Variants in NRG3 observed in about 807,000 individuals in gnomAD.
The protein encoded by NRG3 is pro-neuregulin-3, membrane-bound isoform.
Under a neutral mutation model 66.9 loss-of-function variants are expected in NRG3, and 31 were observed. The observed-to-expected ratio is 0.46, with a 90% CI of 0.35 to 0.63. The LOEUF is 0.63. Among genes scored for constraint, NRG3 ranks in the 20% least tolerant of loss-of-function variants. The probability of loss-of-function intolerance (pLI) is 0.00; values close to 1 mark genes in which losing one functional copy is unlikely to be tolerated. For synonymous variants in NRG3, 393 were observed against 359.4 expected (o/e 1.09, Z -1.06); for missense variants, 910 against 878.9 (o/e 1.04, Z -0.45).
At chr10:82,136,517 C>T (rs1198803302) in intron 1 of NRG3, among the ~76,000 whole-genome samples, 1 of 152,192 alleles carries the variant, frequency 6.6e-6, no homozygotes, top group Non-Finnish European at 1.5e-5. Context: ...CTCCATTTTA[C>T]TGCAGTTGAG....
At chr10:82,346,816 T>G (rs1382443483) in intron 1 of NRG3, among the ~76,000 whole-genome samples, 1 of 152,122 alleles carries the variant, frequency 6.6e-6, no homozygotes, top group Admixed American at 6.5e-5. Flanking sequence ...GTCAAGGAAT[T>G]TATCCATTTC....
chr10:82,278,316 T>C (rs2078955268), intron 1 of NRG3, among the ~76,000 whole-genome samples: 1 of 151,892 alleles, frequency 6.6e-6, no homozygotes, highest in Non-Finnish European at 1.5e-5. Context: ...TTCTGACTTC[T>C]TGAAGACCTA....
intron 1 of NRG3, among the ~76,000 whole-genome samples, chr10:81,979,025 T>C (rs1324248880): frequency 1.3e-5 from 2 of 151,912 alleles, no homozygotes; most frequent in African/African-American, 2.4e-5. Context: ...CCCGTCTCTA[T>C]TAAAAGTACA....
At chr10:82,569,504 T>A (rs1403195495) in intron 2 of NRG3, among the ~76,000 whole-genome samples, 1 of 151,786 alleles carries the variant, frequency 6.6e-6, no homozygotes, top group Non-Finnish European at 1.5e-5. Flanking sequence ...TAAATTGTCC[T>A]CATTCTGATG....
chr10:82,330,032 T>C (rs2082065780), intron 1 of NRG3, among the ~76,000 whole-genome samples: 1 of 152,240 alleles, frequency 6.6e-6, no homozygotes, highest in East Asian at 1.9e-4. Flanking sequence ...TGACATTTCA[T>C]TACAGCAAAG....
intron 1 of NRG3, among the ~76,000 whole-genome samples, chr10:81,894,239 A>G (rs1843305923): frequency 6.6e-6 from 1 of 152,104 alleles, no homozygotes; most frequent in African/African-American, 2.4e-5. Context: ...TCCTCATGAG[A>G]CTGAGGCAGG....
chr10:82,085,128 C>T (rs528384407), intron 1 of NRG3, among the ~76,000 whole-genome samples: 29 of 152,244 alleles, frequency 1.9e-4, no homozygotes, highest in African/African-American at 4.6e-4. Context: ...CAGCTCTGAA[C>T]GTTGTTCCTT....
chr10:82,887,357 A>C (rs1468590949), intron 4 of NRG3, among the ~76,000 whole-genome samples: 1 of 152,206 alleles, frequency 6.6e-6, no homozygotes, highest in Non-Finnish European at 1.5e-5. Context: ...ATATTGAAAA[A>C]CAGAATTATC....
Position 82,526,858 on chromosome 10 carries a change from T to A in NRG3, c.953+167990T>A, listed in dbSNP as rs547413045. On this transcript the variant is annotated intron_variant, in intron 2 of 8. Coordinates refer to ENST00000372141, the MANE Select transcript of NRG3 (RefSeq NM_001010848.4). ...ATACCAAACAACTGAAAAACACAAA[T>A]TACTTTTAGGCATATTTGTATCCAT... Among the ~76,000 whole-genome samples, 13 of 152,138 alleles carry A rather than the reference T, an allele frequency of 8.5e-5. No individual in the cohort carries two copies. The East Asian group carries it at 2.5e-3, about 29-fold the overall frequency.
intron 2 of NRG3, among the ~76,000 whole-genome samples, chr10:82,652,467 T>C (rs1290404958): frequency 6.6e-6 from 1 of 152,118 alleles, no homozygotes; most frequent in Non-Finnish European, 1.5e-5. Flanking sequence ...AGACTGGCCA[T>C]CTCCAGATGG....
intron 1 of NRG3, among the ~76,000 whole-genome samples, chr10:81,952,230 T>G (rs1849432636): frequency 6.6e-6 from 1 of 152,144 alleles, no homozygotes; most frequent in African/African-American, 2.4e-5. Context: ...ACCCTAAAAC[T>G]TAAAGTATAA....
chr10:82,148,019 A>T (rs1205364403), intron 1 of NRG3, among the ~76,000 whole-genome samples: 27 of 152,190 alleles, frequency 1.8e-4, no homozygotes, highest in Admixed American at 1.8e-3. Context: ...GCACTGGCAG[A>T]TATTTTTCCA....
intron 6 of NRG3, among the ~76,000 whole-genome samples, chr10:82,962,108 T>C (rs1850707584): frequency 1.3e-5 from 2 of 152,182 alleles, no homozygotes; most frequent in Admixed American, 1.3e-4. Context: ...AGCAACATGA[T>C]ACTCTGGAAA....
intron 1 of NRG3, among the ~76,000 whole-genome samples, chr10:82,153,038 C>T (rs1364734400): frequency 6.6e-6 from 1 of 151,892 alleles, no homozygotes; most frequent in Non-Finnish European, 1.5e-5. Context: ...CATTTATCAC[C>T]TTATCTACTT....
chr10:82,481,658 T>A (rs952427606), intron 2 of NRG3, among the ~76,000 whole-genome samples: 2 of 152,206 alleles, frequency 1.3e-5, no homozygotes, highest in African/African-American at 4.8e-5. Flanking sequence ...TAAATATTAC[T>A]GTATGTAGTT....
At chr10:81,971,507 G>A (rs1379438449) in intron 1 of NRG3, among the ~76,000 whole-genome samples, 1 of 152,148 alleles carries the variant, frequency 6.6e-6, no homozygotes, top group Non-Finnish European at 1.5e-5. Flanking sequence ...TTACACTTCT[G>A]GCCCAGTTGG....
At chr10:82,590,672 C>T (rs780858163) in intron 2 of NRG3, among the ~76,000 whole-genome samples, 2 of 152,184 alleles carry the variant, frequency 1.3e-5, no homozygotes, top group Non-Finnish European at 2.9e-5. Flanking sequence ...CTGTGCTCAG[C>T]TTGGGCTGTA....
intron 1 of NRG3, among the ~76,000 whole-genome samples, chr10:82,310,377 TA>T (rs2080960629): frequency 6.6e-6 from 1 of 152,180 alleles, no homozygotes. Context: ...ATCCTGCAAA[TA>T]ACGAATACCC....
At chr10:82,379,301 T>TG (rs1294047239) in intron 2 of NRG3, among the ~76,000 whole-genome samples, 1 of 152,052 alleles carries the variant, frequency 6.6e-6, no homozygotes, top group Non-Finnish European at 1.5e-5. Flanking sequence ...TTTCATTGCC[T>TG]GAAAAATTAG....
Sources: gnomAD v4.1 joint callset for allele counts (sites outside exome capture counted in the v4.1 genomes callset) on GRCh38, gnomAD v4.1.1 for gene constraint, MANE v1.5 for transcripts, NCBI Gene and HGNC (gene_info 2026-07-23, HGNC 2026-07-21) for gene names.